Variants in VKORC1 observed in about 807,000 individuals in gnomAD.
VKORC1 encodes the protein vitamin K epoxide reductase complex subunit 1.
In VKORC1, 12 loss-of-function variants were observed where a neutral mutation model predicts 14.8. The observed-to-expected ratio is 0.81, with a 90% CI of 0.52 to 1.31. The LOEUF (loss-of-function observed/expected upper bound fraction) is 1.31, where lower values mean the gene tolerates loss of function less well. Among genes scored for constraint, VKORC1 ranks in the 50% most tolerant of loss-of-function variants. VKORC1 has a pLI of 0.00. For missense variants in VKORC1, 223 were observed against 215.3 expected, an observed-to-expected ratio of 1.04 and a Z score of -0.22; for synonymous variants, 94 against 92.5, an observed-to-expected ratio of 1.02 and a Z score of -0.09.
At chr16:31,092,932 C>G in intron 2 of VKORC1, 1 of 456,314 alleles carries the variant, frequency 2.2e-6, no homozygotes, top group Non-Finnish European at 3.7e-6. Flanking sequence ...ATTCCAGCTG[C>G]TTGGGAGGCT....
rs1342536980 is a variant in VKORC1, at chr16:31,091,320, G to A, written c.306C>T (p.Ala102=). The stretch of plus-strand genomic sequence containing the variant: ...GGGAGCTCAGCAGCATCAGGACAGA[G>A]GCCCAGCGTGTCCGCAGGCAACCTG... The part of the protein sequence containing the change: ...LLLGCLRTRW[A]SVLMLLSSLV... Residue 102 remains alanine, a synonymous_variant, in exon 3 of 3, where the codon GCC becomes GCT. Coordinates refer to ENST00000394975, the MANE Select transcript of VKORC1 (RefSeq NM_024006.6). 6.2e-7 allele frequency: 1 copy of A among 1,613,934 alleles called. No individual in the cohort carries two copies. Among genetic ancestry groups the A allele is most frequent in the Non-Finnish European group, 8.5e-7 (1 of 1,180,020 alleles).
chr16:31,094,701 C>G lies in VKORC1; in HGVS notation c.29G>C (p.Trp10Ser), dbSNP rs766721996. 1 of 1,608,548 alleles carries G rather than the reference C, an allele frequency of 6.2e-7. No individual in the cohort carries two copies. Among genetic ancestry groups the G allele is most frequent in the Non-Finnish European group, 8.5e-7 (1 of 1,178,964 alleles). ...CGTCAGGCAAAGAGCGAGCCGCACC[C>G]AGCCAGGGCTCCCCCAGGTGCTGCC... Reference protein sequence around the residue: MGSTWGSPGWVRLALCLTGL... With the variant: MGSTWGSPGSVRLALCLTGL... The change falls in exon 1 of 3, where the codon TGG (tryptophan) becomes TCG (serine). Residue 10 changes from tryptophan (W) to serine (S), a missense_variant. Trp to Ser is a radical substitution (Grantham distance 177). Coordinates refer to ENST00000394975, the MANE Select transcript of VKORC1 (RefSeq NM_024006.6).
intron 1 of VKORC1, chr16:31,094,303 C>T (rs1389700243): frequency 1.2e-6 from 2 of 1,612,940 alleles, no homozygotes; most frequent in Admixed American, 3.3e-5. Context: ...TCCTGGTCAC[C>T]GTTATTCCTT....
At chr16:31,094,533 C>G (rs1433682608) in intron 1 of VKORC1, 24 bp downstream of exon 1, 1 of 1,612,476 alleles carries the variant, frequency 6.2e-7, no homozygotes, top group Non-Finnish European at 8.5e-7. Context: ...TCCGAGGCCC[C>G]ACGCCTCCCA....
rs1008191003 is a variant in VKORC1, at chr16:31,094,715, C to G, written c.15G>C (p.Trp5Cys). ...CGAGCCGCACCCAGCCAGGGCTCCC[C>G]CAGGTGCTGCCCATTATCTCCAGGT... is the stretch of plus-strand genomic sequence containing the variant. MGSTWGSPGWVRLAL... is the reference protein window; with the variant it reads MGSTCGSPGWVRLAL... The change falls in exon 1 of 3, where the codon TGG (tryptophan) becomes TGC (cysteine). Residue 5 changes from tryptophan (W) to cysteine (C), a missense_variant. Trp to Cys is a radical substitution (Grantham distance 215). Transcript: ENST00000394975. The G allele has an allele frequency of 6.2e-7, 1 of 1,606,144 alleles. No individual in the cohort carries two copies. The highest frequency in any genetic ancestry group is 8.5e-7 in the Non-Finnish European group (1 of 1,178,194).
chr16:31,093,566 TCTC>T, intron 1 of VKORC1, 145 bp from the exon 2 acceptor site: 2 of 1,534,306 alleles, frequency 1.3e-6, no homozygotes, highest in South Asian at 2.5e-5. Context: ...GGGTCGATGA[TCTC>T]CTGGCACCGG....
intron 2 of VKORC1, 92 bp from the exon 3 acceptor site, chr16:31,091,434 G>C (rs1289794685): frequency 1.9e-6 from 3 of 1,545,740 alleles, no homozygotes; most frequent in Non-Finnish European, 2.6e-6. Context: ...GATGCCAGGA[G>C]CTGCTGGGAA....
chr16:31,092,783 G>A (rs757433523), intron 2 of VKORC1: 152 of 1,279,556 alleles, frequency 1.2e-4, no homozygotes, highest in Non-Finnish European at 1.5e-4. Flanking sequence ...GGTAGCTCAC[G>A]CCTGTAATCC....
At chr16:31,092,802 C>T (rs1459963491) in intron 2 of VKORC1, 29 of 1,264,810 alleles carry the variant, frequency 2.3e-5, no homozygotes, top group Non-Finnish European at 2.9e-5. Flanking sequence ...CCCCCCAGCA[C>T]TTTGGGAGGC....
chr16:31,093,697 CTCTTTTTT>C (rs2057305965), intron 1 of VKORC1: 2 of 38,724 alleles, frequency 5.2e-5, no homozygotes, highest in Admixed American at 8.5e-4. Flanking sequence ...TTAAGTAAGT[CTCTTTTTT>C]TTTTTTTTTT....
In VKORC1 at chr16:31,091,248, G is replaced by T. The variant is rs200313404; in HGVS notation, c.378C>A (p.Phe126Leu). The stretch of plus-strand genomic sequence containing the variant: ...AAACAATGCAGAAATCATAGAGCAC[G>T]AAGAACAGGATCCAGGCCAGGTAGA... The part of the protein sequence containing the change: ...GSVYLAWILF[F>L]VLYDFCIVCI... Residue 126 changes from phenylalanine (F) to leucine (L), a missense_variant, in exon 3 of 3, where the codon TTC (phenylalanine) becomes TTA (leucine). Transcript: ENST00000394975. 5 of 1,614,066 alleles carry T rather than the reference G, an allele frequency of 3.1e-6. No homozygotes were observed. The highest frequency in any genetic ancestry group is 1.7e-5 in the Admixed American group (1 of 60,004).
In VKORC1 at chr16:31,090,941, C is replaced by G. The variant is rs1207938400; in HGVS notation, c.*193G>C. 6.9e-6 allele frequency: 6 copies of G among 865,782 alleles called. No individual in the cohort carries two copies. The highest frequency in any genetic ancestry group is 6.8e-5 in the African/African-American group (4 of 59,250). The allele number at this position is 865,782 out of a possible 1,614,324, so 53.6% of individuals were successfully genotyped here. ...GGAGACCAGCCCATGGGGACAGAGT[C>G]AGAGGCACTGGGTGTAAAAAAGAGC... On this transcript the variant is annotated 3_prime_UTR_variant, in exon 3 of 3. Transcript: ENST00000394975.
Position 31,094,673 on chromosome 16 carries a change from GCC to G in VKORC1, c.55_56del (p.Gly19LeufsTer111). The G allele has an allele frequency of 6.2e-7, 1 of 1,607,972 alleles. No homozygotes were observed. Among genetic ancestry groups the G allele is most frequent in the Non-Finnish European group, 8.5e-7 (1 of 1,178,768 alleles). Reference protein sequence around the residue: ...GWVRLALCLTGLVLSLYALHV... With the variant: ...GWVRLALCLTXLVLSLYALHV... ...GCAGCGCGTAGAGCGAGAGCACTAA[GCC>G]CGTCAGGCAAAGAGCGAGCCGCACC... On this transcript the variant is annotated frameshift_variant, in exon 1 of 3. Transcript: ENST00000394975. LOFTEE classifies it high-confidence loss of function.
chr16:31,094,662 G>T lies in VKORC1; in HGVS notation c.68C>A (p.Ser23Ter), dbSNP rs1414049720. Residue 23 changes from serine (S) to a stop codon, truncating the protein, a stop_gained, in exon 1 of 3, where the codon TCG becomes TAG. Coordinates refer to ENST00000394975, the MANE Select transcript of VKORC1 (RefSeq NM_024006.6). LOFTEE classifies it high-confidence loss of function. The part of the protein sequence containing the change: ...LALCLTGLVL[S>*]LYALHVKAAR... ...CGCCTTCACGTGCAGCGCGTAGAGC[G>T]AGAGCACTAAGCCCGTCAGGCAAAG... The T allele has an allele frequency of 2.5e-6, 4 of 1,607,866 alleles. No individual in the cohort carries two copies. The highest frequency in any genetic ancestry group is 3.4e-6 in the Non-Finnish European group (4 of 1,178,658).
chr16:31,091,823 T>C (rs2057292200), intron 2 of VKORC1, among the ~76,000 whole-genome samples: 1 of 151,422 alleles, frequency 6.6e-6, no homozygotes, highest in South Asian at 2.1e-4. Context: ...GAGGTGGAGG[T>C]TGCAGTGAGC....
Position 31,091,295 on chromosome 16 carries a change from G to A in VKORC1, c.331C>T (p.Leu111=), listed in dbSNP as rs1355041443. 1.2e-6 allele frequency: 2 copies of A among 1,614,016 alleles called. No homozygotes were observed. The highest frequency in any genetic ancestry group is 2.7e-5 in the African/African-American group (2 of 74,926). Residue 111 remains leucine (L), a synonymous_variant, in exon 3 of 3, where the codon CTG becomes TTG. Coordinates refer to ENST00000394975, the MANE Select transcript of VKORC1 (RefSeq NM_024006.6). The stretch of plus-strand genomic sequence containing the variant: ...TAGACAGAACCAGCGAGAGACACCA[G>A]GGAGCTCAGCAGCATCAGGACAGAG... ...WASVLMLLSS[L]VSLAGSVYLA... is the part of the protein sequence containing the mutation.
At chr16:31,093,670 G>T in intron 1 of VKORC1, 1 of 385,180 alleles carries the variant, frequency 2.6e-6, no homozygotes, top group Non-Finnish European at 4.4e-6. Context: ...CGTAGGCCCT[G>T]CTTTTCATCT....
chr16:31,091,364 G>T (rs745742409), intron 2 of VKORC1, 22 bp from the exon 3 acceptor site: 1 of 1,606,726 alleles, frequency 6.2e-7, no homozygotes, highest in Admixed American at 1.7e-5. Flanking sequence ...AAGAGGGTCC[G>T]GTGTGGGCTT....
chr16:31,092,656 C>A, intron 2 of VKORC1: 1 of 1,193,060 alleles, frequency 8.4e-7, no homozygotes, highest in Admixed American at 3.3e-5. Context: ...TCTTATGGGA[C>A]TAGATACAAA....
Sources: gnomAD v4.1 joint callset for allele counts (sites outside exome capture counted in the v4.1 genomes callset) on GRCh38, gnomAD v4.1.1 for gene constraint, MANE v1.5 for transcripts, NCBI Gene and HGNC (gene_info 2026-07-23, HGNC 2026-07-21) for gene names.